SGCG: variants seen among roughly 807,000 people sequenced by gnomAD.
The protein encoded by SGCG is sarcoglycan gamma, also known as gamma-sarcoglycan.
In SGCG, 26 loss-of-function variants were observed where a neutral mutation model predicts 29.3. The observed-to-expected ratio is 0.89, with a 90% confidence interval of 0.65 to 1.23. The LOEUF (loss-of-function observed/expected upper bound fraction) is 1.23. Among genes scored for constraint, SGCG ranks in the 50% most tolerant of loss-of-function variants. The probability of loss-of-function intolerance (pLI) is 0.00; values close to 1 mark genes in which losing one functional copy is unlikely to be tolerated. For synonymous variants in SGCG, 145 were observed against 129.7 expected, an observed-to-expected ratio of 1.12 and a Z score of -0.80; for missense variants, 353 against 356.0, an observed-to-expected ratio of 0.99 and a Z score of 0.07.
chr13:23,213,215 C>A (rs1878298408), intron 2 of SGCG, among the ~76,000 whole-genome samples: 1 of 152,148 alleles, frequency 6.6e-6, no homozygotes, highest in Non-Finnish European at 1.5e-5. Context: ...TGACTCATGC[C>A]TGTAATACCA....
At chr13:23,310,768 A>G (rs511660) in intron 6 of SGCG, among the ~76,000 whole-genome samples, 52,106 of 151,754 alleles carry the variant, frequency 0.34, 9,669 homozygotes, top group East Asian at 0.78. Context: ...TATTCTTTCA[A>G]TGATTGTCTT....
At chr13:23,279,768 C>T (rs1881234992) in intron 5 of SGCG, among the ~76,000 whole-genome samples, 1 of 127,258 alleles carries the variant, frequency 7.9e-6, no homozygotes, top group South Asian at 2.6e-4. Flanking sequence ...CGCTCTGTTG[C>T]CCAGGCTGGA....
intron 1 of SGCG, among the ~76,000 whole-genome samples, chr13:23,186,826 C>T (rs1876994687): frequency 6.6e-6 from 1 of 152,164 alleles, no homozygotes; most frequent in South Asian, 2.1e-4. Flanking sequence ...TTGTTGGCAT[C>T]TCCTATGGGA....
intron 4 of SGCG, among the ~76,000 whole-genome samples, chr13:23,266,465 G>A (rs1293340673): frequency 4.6e-5 from 7 of 152,116 alleles, no homozygotes; most frequent in Non-Finnish European, 1.0e-4. Flanking sequence ...AATGCCACAT[G>A]TTCTCACTTA....
At chr13:23,208,847 A>G (rs1878081089) in intron 2 of SGCG, among the ~76,000 whole-genome samples, 1 of 152,142 alleles carries the variant, frequency 6.6e-6, no homozygotes, top group South Asian at 2.1e-4. Flanking sequence ...TAAAAATACT[A>G]TGCAATATTA....
intron 5 of SGCG, among the ~76,000 whole-genome samples, chr13:23,285,437 G>A (rs1471066965): frequency 2.6e-5 from 4 of 152,190 alleles, no homozygotes; most frequent in Admixed American, 2.0e-4. Flanking sequence ...TCAAACCTCA[G>A]TAATGGTGGA....
At chr13:23,309,348 C>T (rs182457685) in intron 6 of SGCG, among the ~76,000 whole-genome samples, 1 of 152,090 alleles carries the variant, frequency 6.6e-6, no homozygotes, top group South Asian at 2.1e-4. Context: ...CTCAAATGAT[C>T]CTTCTGCCTC....
At chr13:23,265,203 T>C (rs1034705776) in intron 4 of SGCG, among the ~76,000 whole-genome samples, 1 of 151,976 alleles carries the variant, frequency 6.6e-6, no homozygotes, top group Non-Finnish European at 1.5e-5. Flanking sequence ...GGAAAAAAGA[T>C]TTTTAAAAAA....
At chr13:23,202,947 TA>T (rs1224450850) in intron 1 of SGCG, among the ~76,000 whole-genome samples, 6 of 152,248 alleles carry the variant, frequency 3.9e-5, no homozygotes, top group African/African-American at 1.4e-4. Context: ...AATAATTTTT[TA>T]AGTTTTCTTT....
In SGCG at chr13:23,194,191, G is replaced by T. The variant is rs186542268; in HGVS notation, c.1-9504G>T. On this transcript the variant is annotated intron_variant, in intron 1 of 7. Transcript: ENST00000218867. ...CATCCTTCTATCTAAAGATTTGCCT[G>T]TTCTTTAGAAGGACCTGTTTGGTGC... 2.0e-5 allele frequency among the ~76,000 whole-genome samples: 3 copies of T among 152,268 alleles called. No homozygotes were observed. The East Asian group carries it at 5.8e-4, about 29-fold the overall frequency.
rs191702531 is a variant in SGCG, at chr13:23,317,952, G to A, written c.579-2685G>A. On this transcript the variant is annotated intron_variant, in intron 6 of 7. Transcript: ENST00000218867. ...GGGAAGGCAGACCCACCCTTAATTG[G>A]GTGGGCACCATCTAATCAGTGGCCA... 2.0e-5 allele frequency among the ~76,000 whole-genome samples: 3 copies of A among 152,196 alleles called. No individual in the cohort carries two copies. In the East Asian group the frequency reaches 5.8e-4, roughly 29 times the overall value.
In SGCG at chr13:23,324,674, T is replaced by A. The variant is rs906553672; in HGVS notation, c.*133T>A. 1.7e-5 allele frequency: 13 copies of A among 782,332 alleles called. No individual in the cohort carries two copies. The highest frequency in any genetic ancestry group is 2.6e-5 in the Non-Finnish European group (12 of 465,580). 48.5% of individuals were successfully genotyped at this position (782,332 alleles called of 1,614,324 possible). ...CGCTTCCAGAGGAACTCAGAAAAAA[T>A]TATGTGCCAGTGAAAGTGTTTGGAC... On this transcript the variant is annotated 3_prime_UTR_variant, in exon 8 of 8. Coordinates refer to ENST00000218867, the MANE Select transcript of SGCG (RefSeq NM_000231.3).
intron 5 of SGCG, among the ~76,000 whole-genome samples, chr13:23,286,915 G>T (rs1279097918): frequency 6.6e-6 from 1 of 152,140 alleles, no homozygotes; most frequent in Non-Finnish European, 1.5e-5. Flanking sequence ...ATTTTAGGAC[G>T]GTGGGTAACT....
intron 2 of SGCG, among the ~76,000 whole-genome samples, chr13:23,233,130 A>G (rs186223584): frequency 6.6e-6 from 1 of 152,352 alleles, no homozygotes; most frequent in East Asian, 1.9e-4. Context: ...TCATAGCAGC[A>G]GCATTTACAA....
At chr13:23,292,740 T>C (rs1280588554) in intron 5 of SGCG, among the ~76,000 whole-genome samples, 1 of 152,238 alleles carries the variant, frequency 6.6e-6, no homozygotes, top group African/African-American at 2.4e-5. Flanking sequence ...ATCTTAGTTA[T>C]GGAAAGAAAT....
chr13:23,248,295 G>A (rs948996401), intron 3 of SGCG, among the ~76,000 whole-genome samples: 3 of 152,208 alleles, frequency 2.0e-5, no homozygotes, highest in Admixed American at 2.0e-4. Context: ...TACACTCTGC[G>A]GTGTTTATAA....
intron 2 of SGCG, among the ~76,000 whole-genome samples, chr13:23,206,977 C>A (rs1228609155): frequency 6.6e-6 from 1 of 152,190 alleles, no homozygotes; most frequent in Non-Finnish European, 1.5e-5. Context: ...TCCAAAAATT[C>A]ATGTGGAACC....
intron 4 of SGCG, among the ~76,000 whole-genome samples, chr13:23,260,152 T>C: frequency 6.6e-6 from 1 of 152,158 alleles, no homozygotes; most frequent in Admixed American, 6.5e-5. Context: ...GGTGTTAAAG[T>C]CTCCCATTAT....
At chr13:23,228,054 G>A (rs867131516) in intron 2 of SGCG, among the ~76,000 whole-genome samples, 2 of 151,848 alleles carry the variant, frequency 1.3e-5, no homozygotes, top group Admixed American at 6.6e-5. Context: ...GAAGCTGTCC[G>A]CCCACCTAGA....
Sources: allele counts gnomAD v4.1 joint callset (sites outside exome capture counted in the v4.1 genomes callset), GRCh38; gene constraint gnomAD v4.1.1; transcripts MANE v1.5; gene names NCBI Gene and HGNC (gene_info 2026-07-23, HGNC 2026-07-21).